CACNA2D4: variants seen among roughly 807,000 people sequenced by gnomAD.
The protein encoded by CACNA2D4 is calcium voltage-gated channel auxiliary subunit alpha2delta 4.
Under a neutral mutation model 163.8 loss-of-function variants are expected in CACNA2D4, and 157 were observed. That is an observed-to-expected ratio of 0.96 (90% CI 0.84 to 1.09). CACNA2D4 has a LOEUF of 1.09. Among genes scored for constraint, CACNA2D4 ranks in the 50% least tolerant of loss-of-function variants. The pLI is 0.00. For synonymous variants in CACNA2D4, 598 were observed against 586.9 expected (o/e 1.02, Z -0.27); for missense variants, 1,410 against 1,479.9 (o/e 0.95, Z 0.78).
chr12:1,881,569 C>T lies in CACNA2D4; in HGVS notation c.1485+1298G>A, dbSNP rs544672084. Reference sequence around the variant, plus strand: ...GGCTACTGGCAGGCAGATGAATGCACGGGTGATGGAGAGGAAGTGCAGGTG... The same window carrying T: ...GGCTACTGGCAGGCAGATGAATGCATGGGTGATGGAGAGGAAGTGCAGGTG... On this transcript the variant is annotated intron_variant, in intron 13 of 37. Transcript: ENST00000382722. 1.0e-3 allele frequency among the ~76,000 whole-genome samples: 156 copies of T among 152,322 alleles called. 1 individual carries two copies. The South Asian group carries it at 0.012, about 12-fold the overall frequency.
At chr12:1,871,465 CGT>C (rs1865778548) in intron 18 of CACNA2D4, among the ~76,000 whole-genome samples, 1 of 142,754 alleles carries the variant, frequency 7.0e-6, no homozygotes, top group South Asian at 2.2e-4. Context: ...TGTGTGTACA[CGT>C]GTGTGCTGCT....
At position 1,907,977 on chromosome 12, in the gene CACNA2D4, GCTC is replaced by G. The variant is rs754124270; in HGVS notation, c.544_546del (p.Glu182del). Reference sequence around the variant, plus strand: ...GACTCCAGGAGGAACTCGGCGCCCAGCTCCACGAAGTTGCCCTTCTCGTCCCTC... The same window carrying G: ...GACTCCAGGAGGAACTCGGCGCCCAGCACGAAGTTGCCCTTCTCGTCCCTC... On this transcript the variant is annotated inframe_deletion, in exon 5 of 38. Coordinates refer to ENST00000382722, the MANE Select transcript of CACNA2D4 (RefSeq NM_172364.5). The G allele has an allele frequency of 5.6e-6, 9 of 1,614,052 alleles. No homozygotes were observed. The South Asian group carries it at 9.9e-5, about 18-fold the overall frequency.
chr12:1,900,392 C>G (rs1251971811), intron 6 of CACNA2D4, among the ~76,000 whole-genome samples: 1 of 152,184 alleles, frequency 6.6e-6, no homozygotes, highest in East Asian at 1.9e-4. Context: ...GACTTGACCT[C>G]CCAAAGTGCT....
intron 16 of CACNA2D4, among the ~76,000 whole-genome samples, chr12:1,877,019 G>C (rs1865897000): frequency 6.6e-6 from 1 of 152,122 alleles, no homozygotes. Context: ...TCCTGATAGT[G>C]CTTTCCTCAG....
At chr12:1,832,336 TA>T (rs1864671679) in intron 26 of CACNA2D4, among the ~76,000 whole-genome samples, 1 of 152,200 alleles carries the variant, frequency 6.6e-6, no homozygotes, top group Non-Finnish European at 1.5e-5. Context: ...GTAGGGTCAT[TA>T]TGAGAATTAA....
Position 1,844,489 on chromosome 12 carries a change from G to A in CACNA2D4, c.2383C>T (p.Leu795=), listed in dbSNP as rs1404930260. 1.2e-6 allele frequency: 2 copies of A among 1,613,506 alleles called. No individual in the cohort carries two copies. Among genetic ancestry groups the A allele is most frequent in the Admixed American group, 1.7e-5 (1 of 59,962 alleles). Residue 795 remains leucine, a synonymous_variant, in exon 25 of 38, where the codon CTG becomes TTG. Transcript: ENST00000382722. This position sits in a 1 kb window ranked among gnomAD's most constrained non-coding sequence, Gnocchi z 4.2. ...CGGTACCACAGCGGGAAGCGGTCCA[G>A]GGTGAACACGCTGGCCTCGTCCTCA... ...TPEDEASVFT[L]DRFPLWYRQA... is the part of the protein sequence containing the mutation.
At chr12:1,797,346 C>T in intron 35 of CACNA2D4, 72 bp downstream of exon 35, 3 of 1,164,846 alleles carry the variant, frequency 2.6e-6, no homozygotes, top group South Asian at 1.3e-5. Flanking sequence ...TTCCGGGGCC[C>T]TGCCCGCACT....
chr12:1,857,484 C>T (rs1345312620), intron 20 of CACNA2D4, among the ~76,000 whole-genome samples: 1 of 152,124 alleles, frequency 6.6e-6, no homozygotes, highest in African/African-American at 2.4e-5. Flanking sequence ...TGGTTGTCCA[C>T]AAGAGAGGTG....
intron 23 of CACNA2D4, among the ~76,000 whole-genome samples, chr12:1,850,392 C>T (rs1344745320): frequency 6.6e-6 from 1 of 152,106 alleles, no homozygotes; most frequent in African/African-American, 2.4e-5. Context: ...TTGCATTTTT[C>T]CTCTGAACTG....
chr12:1,831,795 C>G (rs1057005138), intron 26 of CACNA2D4, among the ~76,000 whole-genome samples: 1 of 151,298 alleles, frequency 6.6e-6, no homozygotes, highest in Non-Finnish European at 1.5e-5. Flanking sequence ...CAGCCAGCTC[C>G]CCACTTTCTC....
rs1465542325 is a variant in CACNA2D4 at position 1,828,612 on chromosome 12, G to C, written c.2551+12127C>G. ...GTCACAGACTGCGGCGAGCCCTTTT[G>C]CTCCCGTGGGGAACTGCCCCCTTGG... On this transcript the variant is annotated intron_variant, in intron 26 of 37. Transcript: ENST00000382722. The surrounding 1 kb of genome is among the most constrained non-coding windows in gnomAD (Gnocchi z 4.2). 6.6e-6 allele frequency among the ~76,000 whole-genome samples: 1 copy of C among 152,240 alleles called. No individual in the cohort carries two copies. The highest frequency in any genetic ancestry group is 1.5e-5 in the Non-Finnish European group (1 of 68,048).
At position 1,879,018 on chromosome 12, in the gene CACNA2D4, G is replaced by A. The variant is rs747384670; in HGVS notation, c.1582C>T (p.Leu528=). The A allele has an allele frequency of 2.9e-5, 47 of 1,613,696 alleles. No homozygotes were observed. In the Admixed American group the frequency reaches 7.2e-4, roughly 25 times the overall value. ...KNETRSHGIL[L]GVVGSDVALR... The stretch of plus-strand genomic sequence containing the variant: ...GCCACATCTGAGCCCACCACACCCA[G>A]GAGAATGCCATGGGATCGCTGGAAG... The change falls in exon 15 of 38, where the codon CTG becomes TTG. Residue 528 remains leucine (L), a synonymous_variant. Transcript: ENST00000382722.
chr12:1,865,273 G>A (rs1865623218), intron 18 of CACNA2D4, among the ~76,000 whole-genome samples: 1 of 152,236 alleles, frequency 6.6e-6, no homozygotes, highest in South Asian at 2.1e-4. Context: ...CTGTTCGTGC[G>A]GACCTGGGGG....
At position 1,799,105 on chromosome 12, in the gene CACNA2D4, G is replaced by A. The variant is rs1274351595; in HGVS notation, c.2995+570C>T. ...TGAGCAGAGCCCGCTGAGGCAAGAT[G>A]GCCTCCTGCAGTCATGGAGGGCCCA... is the stretch of plus-strand genomic sequence containing the variant. On this transcript the variant is annotated intron_variant, in intron 34 of 37. Coordinates refer to ENST00000382722, the MANE Select transcript of CACNA2D4 (RefSeq NM_172364.5). This position sits in a 1 kb window ranked among gnomAD's most constrained non-coding sequence, Gnocchi z 4.7. Among the ~76,000 whole-genome samples the A allele has an allele frequency of 6.6e-6, 1 of 152,324 alleles. No individual in the cohort carries two copies. The highest frequency in any genetic ancestry group is 1.5e-5 in the Non-Finnish European group (1 of 68,022).
intron 26 of CACNA2D4, among the ~76,000 whole-genome samples, chr12:1,817,392 G>A (rs1451819815): frequency 2.0e-5 from 3 of 152,056 alleles, no homozygotes; most frequent in East Asian, 1.9e-4. Context: ...AAGGCACTGG[G>A]GCCTGAAGGA....
intron 26 of CACNA2D4, among the ~76,000 whole-genome samples, chr12:1,823,973 T>C (rs1864216011): frequency 6.6e-6 from 1 of 152,216 alleles, no homozygotes. Flanking sequence ...GCCATATGAT[T>C]CCATTTGCCT....
chr12:1,894,095 A>T (rs1484185530), intron 6 of CACNA2D4, among the ~76,000 whole-genome samples: 1 of 152,188 alleles, frequency 6.6e-6, no homozygotes, highest in Non-Finnish European at 1.5e-5. Context: ...ATAAATAGAG[A>T]CCATTATAAG....
chr12:1,799,892 AG>A lies in CACNA2D4; in HGVS notation c.2974+107del. 1.5e-6 allele frequency: 2 copies of A among 1,316,970 alleles called. No homozygotes were observed. Among genetic ancestry groups the A allele is most frequent in the South Asian group, 2.6e-5 (2 of 77,530 alleles). The allele number at this position is 1,316,970 out of a possible 1,614,324, so 81.6% of individuals were successfully genotyped here. On this transcript the variant is annotated intron_variant, in intron 33 of 37. Transcript: ENST00000382722. This position sits in a 1 kb window ranked among gnomAD's most constrained non-coding sequence, Gnocchi z 4.7. ...GGTGAGATGTGAACAACGATGCTTC[AG>A]GGTCACCTATCCCCACTGTCACCCA...
At chr12:1,831,382 G>T (rs761693110) in intron 26 of CACNA2D4, 6 of 1,613,874 alleles carry the variant, frequency 3.7e-6, no homozygotes, top group Non-Finnish European at 5.1e-6. Flanking sequence ...CTCTCGCTTC[G>T]CTCCAACCGT....
Sources: allele counts gnomAD v4.1 joint callset (sites outside exome capture counted in the v4.1 genomes callset), GRCh38; gene constraint gnomAD v4.1.1; non-coding constraint Gnocchi (gnomAD v3.1); transcripts MANE v1.5; gene names NCBI Gene and HGNC (gene_info 2026-07-23, HGNC 2026-07-21).